Variants in RTKN2 observed in about 807,000 individuals in gnomAD.
RTKN2 encodes the protein rhotekin 2, also known as rhotekin-2.
In RTKN2, 69 loss-of-function variants were observed where a neutral mutation model predicts 71.5. The observed-to-expected ratio is 0.96, with a 90% CI of 0.79 to 1.18. The LOEUF is 1.18. RTKN2 is among the 50% of genes most tolerant of loss of function. RTKN2 has a pLI of 0.00. For synonymous variants in RTKN2, 236 were observed against 236.5 expected (o/e 1.00, Z 0.02); for missense variants, 724 against 719.7 (o/e 1.01, Z -0.07).
chr10:62,259,854 T>C (rs1384425803), intron 2 of RTKN2, among the ~76,000 whole-genome samples: 1 of 152,156 alleles, frequency 6.6e-6, no homozygotes, highest in Non-Finnish European at 1.5e-5. Flanking sequence ...ACCCGGCCTC[T>C]TTTGTAATTT....
chr10:62,268,493 C>A, intron 1 of RTKN2, 58 bp downstream of exon 1: 1 of 1,480,392 alleles, frequency 6.8e-7, no homozygotes, highest in South Asian at 1.2e-5. Context: ...AGCAAATGCG[C>A]GAGGAACAGA....
At chr10:62,266,824 T>A (rs1842877129) in intron 1 of RTKN2, among the ~76,000 whole-genome samples, 1 of 152,200 alleles carries the variant, frequency 6.6e-6, no homozygotes, top group African/African-American at 2.4e-5. Context: ...ATACCCAAGC[T>A]ACAACGGTGG....
downstream of RTKN2, among the ~76,000 whole-genome samples, chr10:62,192,320 C>A (rs1049800652): frequency 2.0e-5 from 3 of 152,152 alleles, no homozygotes; most frequent in Non-Finnish European, 4.4e-5. Flanking sequence ...ATAAGCTGTA[C>A]TCACTCTCAT....
chr10:62,237,578 G>A (rs1191496427), intron 5 of RTKN2, among the ~76,000 whole-genome samples: 3 of 151,560 alleles, frequency 2.0e-5, no homozygotes, highest in Non-Finnish European at 3.0e-5. Flanking sequence ...CATTTTTAAG[G>A]TATTTATATG....
rs1354066328 is a variant in RTKN2 at position 62,195,601 on chromosome 10, G to GGGAAGGAAGGAAGGAA, written c.*2306_*2307insTTCCTTCCTTCCTTCC. 3.3e-5 allele frequency: 17 copies of GGGAAGGAAGGAAGGAA among 522,844 alleles called. No homozygotes were observed. Among genetic ancestry groups the GGGAAGGAAGGAAGGAA allele is most frequent in the Non-Finnish European group, 3.7e-5 (16 of 426,832 alleles). The allele number at this position is 522,844 out of a possible 1,614,324, so 32.4% of individuals were successfully genotyped here. On this transcript the variant is annotated 3_prime_UTR_variant, in exon 12 of 12. Transcript: ENST00000373789. ...AAGGAGGGAAGGAGAGACGGACAGAGGGAATGAAGGAAGGAAGGAAGGAAG... is the reference window on the plus strand; with the variant it reads ...AAGGAGGGAAGGAGAGACGGACAGAGGGAAGGAAGGAAGGAAGGAATGAAGGAAGGAAGGAAGGAAG...
At position 62,204,943 on chromosome 10, in the gene RTKN2, T is replaced by C. The variant is rs1349099175; in HGVS notation, c.1100A>G (p.Gln367Arg). The change falls in exon 10 of 12, where the codon CAA becomes CGA. Residue 367 changes from glutamine (Q) to arginine (R), a missense_variant. Coordinates refer to ENST00000373789, the MANE Select transcript of RTKN2 (RefSeq NM_145307.4). Reference sequence around the variant, plus strand: ...AACTGCAAAAATCTGAGTTATAGCTTGTCCAGGAACAGGATTGATGACAGA... The same window carrying C: ...AACTGCAAAAATCTGAGTTATAGCTCGTCCAGGAACAGGATTGATGACAGA... ...NFSVINPVPG[Q>R]AITQIFAVDN... is the part of the protein sequence containing the mutation. 43 of 1,605,384 alleles carry C rather than the reference T, an allele frequency of 2.7e-5. No homozygotes were observed. In the Admixed American group the frequency reaches 6.3e-4, roughly 24 times the overall value.
At chr10:62,264,603 G>A (rs1289572372) in intron 1 of RTKN2, among the ~76,000 whole-genome samples, 6 of 152,144 alleles carry the variant, frequency 3.9e-5, no homozygotes, top group Non-Finnish European at 8.8e-5. Context: ...ACCTAAAGCT[G>A]GGATGAATAG....
At chr10:62,223,112 T>C in intron 7 of RTKN2, 126 bp downstream of exon 7, 1 of 529,900 alleles carries the variant, frequency 1.9e-6, no homozygotes. Flanking sequence ...GACAGATATA[T>C]TTTAAAGAAC....
At chr10:62,225,784 C>CA (rs1554811254) in intron 6 of RTKN2, among the ~76,000 whole-genome samples, 1 of 140,246 alleles carries the variant, frequency 7.1e-6, no homozygotes, top group Admixed American at 7.1e-5. Context: ...ATTTTCTTTT[C>CA]TTTTTTTTTT....
rs138551761 is a variant in RTKN2 at position 62,187,322 on chromosome 10, T to C, written c.862-2935A>G. Among the ~76,000 whole-genome samples the C allele has an allele frequency of 4.9e-3, 730 of 150,430 alleles. 21 individuals are homozygous for C. Among genetic ancestry groups the C allele is most frequent in the Admixed American group, 0.037 (564 of 15,126 alleles). ...AACATAGGGAAAAAGTTCAGTTGAA[T>C]AGTCCTCAGAGGGAAGCAGAAATCA... On this transcript the variant is annotated intron_variant, in intron 8 of 8. Coordinates refer to the RTKN2 transcript ENST00000315289.
At chr10:62,187,092 A>T (rs1206926324) in intron 8 of RTKN2, among the ~76,000 whole-genome samples, 3 of 152,206 alleles carry the variant, frequency 2.0e-5, no homozygotes, top group Non-Finnish European at 2.9e-5. Flanking sequence ...TCTCCAAATT[A>T]TTCCAAAGTT....
At chr10:62,212,174 C>A (rs1308431543) in intron 9 of RTKN2, among the ~76,000 whole-genome samples, 2 of 151,460 alleles carry the variant, frequency 1.3e-5, no homozygotes, top group African/African-American at 2.4e-5. Context: ...CAGTAGCTAG[C>A]TGTTTTGTAG....
intron 6 of RTKN2, among the ~76,000 whole-genome samples, chr10:62,234,300 G>A (rs903301174): frequency 2.6e-5 from 4 of 151,968 alleles, no homozygotes; most frequent in Non-Finnish European, 5.9e-5. Context: ...TGAGGCAAGC[G>A]GATTGCTTGA....
intron 2 of RTKN2, among the ~76,000 whole-genome samples, chr10:62,252,046 C>T (rs1234452020): frequency 6.6e-6 from 1 of 151,724 alleles, no homozygotes; most frequent in Non-Finnish European, 1.5e-5. Context: ...ACAGGAAAAA[C>T]AAAACAATGA....
intron 6 of RTKN2, among the ~76,000 whole-genome samples, chr10:62,226,127 T>G (rs565430534): frequency 2.0e-5 from 3 of 152,174 alleles, no homozygotes; most frequent in East Asian, 3.9e-4. Flanking sequence ...TTTCATGATT[T>G]TCTTGATTTT....
intron 5 of RTKN2, among the ~76,000 whole-genome samples, chr10:62,236,488 C>T (rs542762952): frequency 1.3e-5 from 2 of 152,090 alleles, no homozygotes; most frequent in African/African-American, 2.4e-5. Context: ...CCCTAGTACA[C>T]TGCTGGCGGA....
chr10:62,261,274 T>C (rs76006630), intron 2 of RTKN2, among the ~76,000 whole-genome samples: 483 of 152,310 alleles, frequency 3.2e-3, no homozygotes, highest in Non-Finnish European at 4.9e-3. Context: ...TTTGTATATA[T>C]AAAATCTCAA....
At chr10:62,254,339 C>T (rs561349704) in intron 2 of RTKN2, among the ~76,000 whole-genome samples, 16 of 152,228 alleles carry the variant, frequency 1.1e-4, no homozygotes, top group African/African-American at 3.1e-4. Context: ...GCTCTTCCGT[C>T]GCCATGTGAA....
At chr10:62,266,408 A>G (rs1842869269) in intron 1 of RTKN2, among the ~76,000 whole-genome samples, 1 of 152,258 alleles carries the variant, frequency 6.6e-6, no homozygotes, top group South Asian at 2.1e-4. Flanking sequence ...CCATGTTAAC[A>G]AAGACCAAGG....
Sources: gnomAD v4.1 joint callset for allele counts (sites outside exome capture counted in the v4.1 genomes callset) on GRCh38, gnomAD v4.1.1 for gene constraint, MANE v1.5 for transcripts, NCBI Gene and HGNC (gene_info 2026-07-23, HGNC 2026-07-21) for gene names.